Variants in RAB31 observed in about 807,000 individuals in gnomAD.
The protein encoded by RAB31 is ras-related protein Rab-31.
Under a neutral mutation model 25.6 loss-of-function variants are expected in RAB31, and 21 were observed. That is an observed-to-expected ratio of 0.82 (90% CI 0.58 to 1.18). The LOEUF is 1.18. RAB31 is among the 50% of genes most tolerant of loss of function. The pLI, the probability that RAB31 is intolerant of heterozygous loss-of-function variation, is 0.00. For missense variants in RAB31, 196 were observed against 250.1 expected, an observed-to-expected ratio of 0.78 and a Z score of 1.46; for synonymous variants, 87 against 84.0, an observed-to-expected ratio of 1.04 and a Z score of -0.20.
Position 9,861,898 on chromosome 18 carries a change from C to A in RAB31, c.*2573C>A, listed in dbSNP as rs1211944865. On this transcript the variant is annotated 3_prime_UTR_variant, in exon 7 of 7. Coordinates refer to ENST00000578921, the MANE Select transcript of RAB31 (RefSeq NM_006868.4). ...GTAGGCATGGCTTCCCAATGGAAAT[C>A]TCTGAGAATGACAGTGGAGTTGTGC... The A allele has an allele frequency of 1.3e-5, 2 of 152,640 alleles. No homozygotes were observed. The highest frequency in any genetic ancestry group is 2.9e-5 in the Non-Finnish European group (2 of 68,044). 9.5% of individuals were successfully genotyped at this position (152,640 alleles called of 1,614,324 possible).
intron 1 of RAB31, among the ~76,000 whole-genome samples, chr18:9,769,676 T>G (rs1188111343): frequency 6.6e-6 from 1 of 152,218 alleles, no homozygotes; most frequent in Non-Finnish European, 1.5e-5. Context: ...TGAATACCCT[T>G]TTTTTCTTTC....
chr18:9,855,870 A>G (rs768731622), intron 6 of RAB31, among the ~76,000 whole-genome samples: 2 of 152,148 alleles, frequency 1.3e-5, no homozygotes, highest in Non-Finnish European at 2.9e-5. Flanking sequence ...TCTCCCCGCC[A>G]TGCAAAACCC....
chr18:9,806,686 A>C (rs577559173), intron 3 of RAB31, among the ~76,000 whole-genome samples: 1 of 152,210 alleles, frequency 6.6e-6, no homozygotes, highest in African/African-American at 2.4e-5. Context: ...GGATTTATAT[A>C]GGAAGAAATC....
Position 9,859,962 on chromosome 18 carries a change from G to A in RAB31, c.*637G>A, listed in dbSNP as rs1276397885. On this transcript the variant is annotated 3_prime_UTR_variant, in exon 7 of 7. Transcript: ENST00000578921. Reference sequence around the variant, plus strand: ...TTGGTGAACAATTTTTCTAAGTTATGGTCATATATACCCAAACAAACCAAA... The same window carrying A: ...TTGGTGAACAATTTTTCTAAGTTATAGTCATATATACCCAAACAAACCAAA... The A allele has an allele frequency of 6.6e-6, 1 of 152,288 alleles. No homozygotes were observed. The highest frequency in any genetic ancestry group is 1.9e-4 in the East Asian group (1 of 5,186). 9.4% of individuals were successfully genotyped at this position (152,288 alleles called of 1,614,324 possible).
intron 1 of RAB31, among the ~76,000 whole-genome samples, chr18:9,713,570 G>A (rs2068028733): frequency 6.6e-6 from 1 of 152,174 alleles, no homozygotes; most frequent in Non-Finnish European, 1.5e-5. Context: ...TTCAGGGTCA[G>A]CATTGCTGCT....
At chr18:9,785,695 C>T (rs992368952) in intron 2 of RAB31, among the ~76,000 whole-genome samples, 1 of 152,200 alleles carries the variant, frequency 6.6e-6, no homozygotes, top group African/African-American at 2.4e-5. Flanking sequence ...CAAGAAGAAC[C>T]TGAACACACA....
intron 1 of RAB31, among the ~76,000 whole-genome samples, chr18:9,769,863 T>C (rs1021825893): frequency 3.3e-5 from 5 of 152,220 alleles, no homozygotes; most frequent in Non-Finnish European, 7.3e-5. Context: ...ATTCCATCAA[T>C]ACCTAGTTTA....
At chr18:9,806,008 A>G (rs1253930764) in intron 3 of RAB31, among the ~76,000 whole-genome samples, 1 of 152,092 alleles carries the variant, frequency 6.6e-6, no homozygotes, top group East Asian at 1.9e-4. Context: ...CCCCGTCTCT[A>G]CTAAAAAAAT....
intron 5 of RAB31, among the ~76,000 whole-genome samples, chr18:9,833,294 G>A (rs1463770844): frequency 6.6e-6 from 1 of 152,192 alleles, no homozygotes; most frequent in Admixed American, 6.5e-5. Context: ...GCTTCTCCGG[G>A]GTGGTGCTTT....
At chr18:9,753,399 C>T (rs1249766726) in intron 1 of RAB31, among the ~76,000 whole-genome samples, 1 of 152,136 alleles carries the variant, frequency 6.6e-6, no homozygotes, top group East Asian at 1.9e-4. Context: ...CTAACTCATC[C>T]CCTTTGCCAT....
At chr18:9,808,289 G>T (rs1211638957) in intron 3 of RAB31, among the ~76,000 whole-genome samples, 1 of 152,180 alleles carries the variant, frequency 6.6e-6, no homozygotes, top group African/African-American at 2.4e-5. Flanking sequence ...ATAATAGAAA[G>T]GTTTTTTGAA....
chr18:9,776,755 C>T (rs926357064), intron 2 of RAB31, among the ~76,000 whole-genome samples: 3 of 152,074 alleles, frequency 2.0e-5, no homozygotes, highest in African/African-American at 2.4e-5. Flanking sequence ...GGCTGTGTTA[C>T]GGGAGCGGAA....
chr18:9,820,955 T>C (rs1463821506), intron 5 of RAB31, among the ~76,000 whole-genome samples: 1 of 152,062 alleles, frequency 6.6e-6, no homozygotes, highest in Non-Finnish European at 1.5e-5. Context: ...CCTCTTTTTC[T>C]GGTTCGCTAA....
intron 5 of RAB31, among the ~76,000 whole-genome samples, chr18:9,833,446 T>C (rs1039489416): frequency 1.3e-5 from 2 of 152,212 alleles, no homozygotes; most frequent in Non-Finnish European, 2.9e-5. Flanking sequence ...CTGTTTTCCC[T>C]GTAACCAGGT....
At chr18:9,742,762 T>C (rs2145473095) in intron 1 of RAB31, among the ~76,000 whole-genome samples, 1 of 152,332 alleles carries the variant, frequency 6.6e-6, no homozygotes, top group African/African-American at 2.4e-5. Context: ...TGCAGACGCC[T>C]TCTCCGGACA....
chr18:9,854,137 C>G (rs2143151134), intron 6 of RAB31, among the ~76,000 whole-genome samples: 1 of 152,134 alleles, frequency 6.6e-6, no homozygotes, highest in Admixed American at 6.5e-5. Flanking sequence ...CCACCCCCAA[C>G]CCCTCAACAG....
At chr18:9,807,996 A>G (rs2068550939) in intron 3 of RAB31, among the ~76,000 whole-genome samples, 1 of 152,138 alleles carries the variant, frequency 6.6e-6, no homozygotes, top group Non-Finnish European at 1.5e-5. Context: ...AATAAAAGTA[A>G]TCCATGCCTT....
intron 4 of RAB31, 179 bp from the exon 5 acceptor site, chr18:9,814,937 T>C: frequency 2.1e-6 from 1 of 468,564 alleles, no homozygotes; most frequent in Non-Finnish European, 3.8e-6. Flanking sequence ...TGATATGGTC[T>C]ATTTAAGTAT....
chr18:9,813,299 G>A (rs1428949223), intron 3 of RAB31, among the ~76,000 whole-genome samples: 1 of 152,182 alleles, frequency 6.6e-6, no homozygotes, highest in Non-Finnish European at 1.5e-5. Context: ...GGCTCAGCAA[G>A]GGTCCTGTGA....
Sources: allele counts gnomAD v4.1 joint callset (sites outside exome capture counted in the v4.1 genomes callset), GRCh38; gene constraint gnomAD v4.1.1; transcripts MANE v1.5; gene names NCBI Gene and HGNC (gene_info 2026-07-23, HGNC 2026-07-21).